The following PARD3 variants were observed in gnomAD, a reference collection of about 807,000 sequenced individuals.
PARD3 encodes the protein partitioning defective 3 homolog.
PARD3 carries 75 observed loss-of-function variants against 155.4 expected under a neutral mutation model. The observed-to-expected ratio is 0.48, with a 90% CI of 0.40 to 0.58. PARD3 has a LOEUF of 0.58. PARD3 is among the 20% of genes least tolerant of loss of function. The pLI, the probability that PARD3 is intolerant of heterozygous loss-of-function variation, is 0.00. For synonymous variants in PARD3, 576 were observed against 610.5 expected (o/e 0.94, Z 0.83); for missense variants, 1,642 against 1,721.7 (o/e 0.95, Z 0.82).
intron 2 of PARD3, among the ~76,000 whole-genome samples, chr10:34,617,755 T>G (rs1362142516): frequency 1.3e-5 from 2 of 152,164 alleles, no homozygotes; most frequent in African/African-American, 4.8e-5. Flanking sequence ...GTAGGCAGCC[T>G]TCATGGGACT....
chr10:34,603,082 A>C (rs532724070), intron 2 of PARD3, among the ~76,000 whole-genome samples: 5 of 152,334 alleles, frequency 3.3e-5, no homozygotes, highest in Middle Eastern at 3.4e-3. Flanking sequence ...GAAAGAAGAA[A>C]GTACAGTCAA....
rs144153543 is a variant in PARD3, at chr10:34,289,747, A to G, written c.3066-5502T>C. Among the ~76,000 whole-genome samples the G allele has an allele frequency of 3.2e-4, 49 of 152,292 alleles. No homozygotes were observed. In the South Asian group the frequency reaches 4.4e-3, roughly 14 times the overall value. On this transcript the variant is annotated intron_variant, in intron 20 of 24. Transcript: ENST00000374788. Reference sequence around the variant, plus strand: ...GGCTTTCTTCATAAAGGACACAGCAATGTCTTCATTCAGCTAACGTAATCT... The same window carrying G: ...GGCTTTCTTCATAAAGGACACAGCAGTGTCTTCATTCAGCTAACGTAATCT...
At chr10:34,315,275 A>T (rs181094624) in intron 20 of PARD3, among the ~76,000 whole-genome samples, 1 of 152,154 alleles carries the variant, frequency 6.6e-6, no homozygotes, top group East Asian at 1.9e-4. Flanking sequence ...TTTCTCCCAC[A>T]CTCTGCTCCT....
intron 22 of PARD3, among the ~76,000 whole-genome samples, chr10:34,241,378 A>G (rs617809): frequency 0.64 from 96,981 of 151,934 alleles, 31,444 homozygotes; most frequent in African/African-American, 0.75. Flanking sequence ...TGGACAGTGA[A>G]CACTGGGGAG....
At chr10:34,712,263 GAAT>G (rs1277528116) in intron 1 of PARD3, among the ~76,000 whole-genome samples, 2 of 152,280 alleles carry the variant, frequency 1.3e-5, no homozygotes, top group East Asian at 3.9e-4. Context: ...AGTGAATATG[GAAT>G]AATCCAAGCC....
chr10:34,298,838 T>C (rs763497152), intron 20 of PARD3, among the ~76,000 whole-genome samples: 103 of 152,310 alleles, frequency 6.8e-4, no homozygotes, highest in Middle Eastern at 3.4e-3. Context: ...CTGACAACAC[T>C]CTGAGGCGAC....
chr10:34,482,782 A>G (rs567967462), intron 3 of PARD3, among the ~76,000 whole-genome samples: 1 of 152,252 alleles, frequency 6.6e-6, no homozygotes, highest in East Asian at 1.9e-4. Flanking sequence ...CTGAGAGAAG[A>G]AAAAAGAAGC....
At chr10:34,225,074 C>T (rs1952517442) in intron 22 of PARD3, among the ~76,000 whole-genome samples, 1 of 152,040 alleles carries the variant, frequency 6.6e-6, no homozygotes, top group Non-Finnish European at 1.5e-5. Context: ...TCAAATTTAA[C>T]CAAAAATATT....
rs1406286518 is a variant in PARD3 at position 34,684,820 on chromosome 10, CACACACACACATAT to C, written c.222+11484_222+11497del. ...ACACACACACACACACACACACACA[CACACACACACATAT>C]ATACACACACACATATATATACATG... On this transcript the variant is annotated intron_variant, in intron 2 of 24. Transcript: ENST00000374788. Among the ~76,000 whole-genome samples the C allele has an allele frequency of 7.2e-5, 9 of 125,568 alleles. 1 individual carries two copies. Among genetic ancestry groups the C allele is most frequent in the Admixed American group, 7.7e-5 (1 of 13,022 alleles). The allele number at this position is 125,568 out of a possible 152,430, so 82.4% of individuals were successfully genotyped here. A position where few individuals can be genotyped will look rare whatever the true frequency, so the allele number is the denominator to read the frequency against.
At chr10:34,301,418 T>C (rs1448021655) in intron 20 of PARD3, among the ~76,000 whole-genome samples, 2 of 152,188 alleles carry the variant, frequency 1.3e-5, no homozygotes, top group Non-Finnish European at 2.9e-5. Context: ...CTCCTCTCTC[T>C]GCAGTGGCCT....
intron 2 of PARD3, among the ~76,000 whole-genome samples, chr10:34,547,383 T>C (rs899304224): frequency 1.3e-5 from 2 of 152,252 alleles, no homozygotes; most frequent in African/African-American, 4.8e-5. Flanking sequence ...GCCAGAATTA[T>C]GCCACATCAT....
chr10:34,591,205 G>A (rs2088646739), intron 2 of PARD3, among the ~76,000 whole-genome samples: 1 of 151,798 alleles, frequency 6.6e-6, no homozygotes, highest in African/African-American at 2.4e-5. Context: ...ACCAATTTGT[G>A]AGCCTGGACC....
intron 1 of PARD3, among the ~76,000 whole-genome samples, chr10:34,765,938 G>A (rs1838031206): frequency 6.6e-6 from 1 of 152,152 alleles, no homozygotes; most frequent in African/African-American, 2.4e-5. Flanking sequence ...CTGAGGTACT[G>A]CAATGTTAGG....
chr10:34,220,612 A>C (rs563009268), intron 22 of PARD3, among the ~76,000 whole-genome samples: 1 of 152,282 alleles, frequency 6.6e-6, no homozygotes, highest in South Asian at 2.1e-4. Context: ...CCCGAAATGC[A>C]ATGGAGGAAT....
chr10:34,167,061 G>A (rs1949564264), intron 22 of PARD3, among the ~76,000 whole-genome samples: 1 of 152,086 alleles, frequency 6.6e-6, no homozygotes, highest in East Asian at 1.9e-4. Flanking sequence ...AAAGAGTTAC[G>A]CCTGCTGCAG....
chr10:34,208,192 C>T (rs1379846112), intron 22 of PARD3, among the ~76,000 whole-genome samples: 2 of 152,116 alleles, frequency 1.3e-5, no homozygotes, highest in Admixed American at 6.5e-5. Context: ...AAGTCTCTGT[C>T]GTGGACACAA....
intron 2 of PARD3, among the ~76,000 whole-genome samples, chr10:34,634,425 G>T (rs1045669053): frequency 6.6e-6 from 1 of 152,170 alleles, no homozygotes; most frequent in African/African-American, 2.4e-5. Context: ...CTCCAGGGGA[G>T]GGAAGGAATG....
intron 20 of PARD3, among the ~76,000 whole-genome samples, chr10:34,298,181 T>C (rs1023902288): frequency 6.6e-6 from 1 of 152,228 alleles, no homozygotes; most frequent in East Asian, 1.9e-4. Context: ...TTATTATCAT[T>C]GTTATCCTTA....
At chr10:34,432,231 A>G (rs1011068373) in intron 5 of PARD3, among the ~76,000 whole-genome samples, 4 of 151,690 alleles carry the variant, frequency 2.6e-5, no homozygotes, top group Non-Finnish European at 4.4e-5. Context: ...TGATTTTAAA[A>G]ACAAACAGAT....
Sources: gnomAD v4.1 joint callset for allele counts (sites outside exome capture counted in the v4.1 genomes callset) on GRCh38, gnomAD v4.1.1 for gene constraint, MANE v1.5 for transcripts, NCBI Gene and HGNC (gene_info 2026-07-23, HGNC 2026-07-21) for gene names.